Variants in BST1 observed in about 807,000 individuals in gnomAD.
The protein encoded by BST1 is ADP-ribosyl cyclase/cyclic ADP-ribose hydrolase 2.
A neutral mutation model predicts 40.6 loss-of-function variants in BST1; 49 were observed. That is an observed-to-expected ratio of 1.21 (90% CI 0.96 to 1.53). The LOEUF is 1.53. Ranked by LOEUF, BST1 falls within the 40% of genes most tolerant of loss-of-function variation. BST1 has a pLI of 0.00. For synonymous variants in BST1, 157 were observed against 159.3 expected (o/e 0.99, Z 0.11); for missense variants, 423 against 395.9 (o/e 1.07, Z -0.58).
At chr4:15,723,457 C>T in intron 8 of BST1, 1 of 621,300 alleles carries the variant, frequency 1.6e-6, no homozygotes, top group Non-Finnish European at 2.0e-6. Context: ...ACCGTGTTAG[C>T]CAGGATGGTC....
chr4:15,756,516 G>A, the BST1 span, among the ~76,000 whole-genome samples: 1 of 152,228 alleles, frequency 6.6e-6, no homozygotes, highest in Admixed American at 6.5e-5. Flanking sequence ...TGACCTGGGT[G>A]GAGATTAGTT....
chr4:15,769,590 G>A, the BST1 span, among the ~76,000 whole-genome samples: 14 of 152,284 alleles, frequency 9.2e-5, no homozygotes, highest in Admixed American at 7.2e-4. Flanking sequence ...CTGGGCTCTG[G>A]TGGTTTGGGA....
the BST1 span, among the ~76,000 whole-genome samples, chr4:15,773,476 C>T: frequency 6.6e-6 from 1 of 152,234 alleles, no homozygotes; most frequent in African/African-American, 2.4e-5. Flanking sequence ...TGAGCTCTCT[C>T]ATCTTTTCGT....
At chr4:15,767,666 T>C in the BST1 span, among the ~76,000 whole-genome samples, 1 of 150,118 alleles carries the variant, frequency 6.7e-6, no homozygotes, top group African/African-American at 2.5e-5. Flanking sequence ...TTTTTAAAGC[T>C]ATGTTGTTAG....
rs80271912 is a variant in BST1 at position 15,714,552 on chromosome 4, C to G, written c.535-733C>G. ...ACTAATGGCTGGTTAAGATTTCAGACCCTTAAGTATCATAGTTTACTTACC... is the reference window on the plus strand; with the variant it reads ...ACTAATGGCTGGTTAAGATTTCAGAGCCTTAAGTATCATAGTTTACTTACC... On this transcript the variant is annotated intron_variant, in intron 4 of 8. Coordinates refer to ENST00000265016, the MANE Select transcript of BST1 (RefSeq NM_004334.3). Among the ~76,000 whole-genome samples, 429 of 152,262 alleles carry G rather than the reference C, an allele frequency of 2.8e-3. 3 individuals are homozygous for G. Among genetic ancestry groups the G allele is most frequent in the East Asian group, 0.012 (60 of 5,194 alleles).
downstream of BST1, among the ~76,000 whole-genome samples, chr4:15,741,022 G>A (rs1250897743): frequency 1.3e-5 from 2 of 151,974 alleles, no homozygotes; most frequent in African/African-American, 4.8e-5. Context: ...TATTTACTCA[G>A]CCAATATTTA....
At chr4:15,720,337 G>A (rs1299854162) in intron 7 of BST1, among the ~76,000 whole-genome samples, 13 of 152,056 alleles carry the variant, frequency 8.5e-5, no homozygotes, top group Non-Finnish European at 1.3e-4. Context: ...TTCAATTCTT[G>A]GCCGAGTGCA....
At chr4:15,773,066 T>C in the BST1 span, among the ~76,000 whole-genome samples, 2 of 152,148 alleles carry the variant, frequency 1.3e-5, no homozygotes, top group African/African-American at 2.4e-5. Context: ...AGACAATACA[T>C]GGAGGAAGGC....
At chr4:15,757,377 T>C in the BST1 span, among the ~76,000 whole-genome samples, 1 of 152,220 alleles carries the variant, frequency 6.6e-6, no homozygotes, top group African/African-American at 2.4e-5. Context: ...TGGTTCTCCC[T>C]GCACGAACTG....
At chr4:15,771,906 C>A in the BST1 span, among the ~76,000 whole-genome samples, 11 of 152,150 alleles carry the variant, frequency 7.2e-5, no homozygotes, top group Non-Finnish European at 1.2e-4. Flanking sequence ...GGTAAGCAAC[C>A]TGTGCTGGTG....
intron 1 of BST1, among the ~76,000 whole-genome samples, chr4:15,704,443 C>G (rs891187973): frequency 6.9e-5 from 9 of 130,366 alleles, no homozygotes; most frequent in Non-Finnish European, 6.4e-5. Flanking sequence ...TGTGTGTGTT[C>G]TAGAGGTGAG....
Position 15,715,723 on chromosome 4 carries a change from GA to G in BST1, c.631del (p.Ile211PhefsTer33), listed in dbSNP as rs1720477227. The G allele has an allele frequency of 1.9e-6, 3 of 1,597,564 alleles. No individual in the cohort carries two copies. Among genetic ancestry groups the G allele is most frequent in the Non-Finnish European group, 2.6e-6 (3 of 1,174,104 alleles). ...YPIKGFFADY[E>X]IPNLQKEKIT... ...GTTTCTCAGTTTTTTTGCAGATTAT[GA>G]AATTCCAAACCTCCAGAAGGAAAAA... is the stretch of plus-strand genomic sequence containing the variant. On this transcript the variant is annotated frameshift_variant, in exon 6 of 9. Coordinates refer to ENST00000265016, the MANE Select transcript of BST1 (RefSeq NM_004334.3). LOFTEE classifies it high-confidence loss of function.
chr4:15,731,126 C>T, intron 8 of BST1: 1 of 419,614 alleles, frequency 2.4e-6, no homozygotes, highest in Non-Finnish European at 4.5e-6. Context: ...TGGCCAACAG[C>T]CACAGCCAGA....
chr4:15,737,056 A>G (rs1054373586), downstream of BST1, among the ~76,000 whole-genome samples: 30 of 152,312 alleles, frequency 2.0e-4, no homozygotes, highest in Admixed American at 1.7e-3. Flanking sequence ...GCCTTGGGCA[A>G]CTCACTTACC....
At chr4:15,723,913 A>G (rs1000266688) in intron 8 of BST1, among the ~76,000 whole-genome samples, 2 of 152,250 alleles carry the variant, frequency 1.3e-5, no homozygotes, top group South Asian at 2.1e-4. Flanking sequence ...ATTTTAGCCC[A>G]TCTTAGGGGT....
chr4:15,708,409 A>T (rs1055317202), intron 3 of BST1, among the ~76,000 whole-genome samples: 2 of 152,124 alleles, frequency 1.3e-5, no homozygotes, highest in Non-Finnish European at 2.9e-5. Flanking sequence ...AGCTCGAGTG[A>T]TATGGGCTAT....
At chr4:15,750,356 T>G in the BST1 span, among the ~76,000 whole-genome samples, 1 of 152,218 alleles carries the variant, frequency 6.6e-6, no homozygotes, top group Non-Finnish European at 1.5e-5. Flanking sequence ...CAAATAAGTG[T>G]GAACATGTGA....
chr4:15,727,879 A>G (rs184982671), intron 8 of BST1, among the ~76,000 whole-genome samples: 208 of 151,982 alleles, frequency 1.4e-3, no homozygotes, highest in Non-Finnish European at 2.6e-3. Context: ...TGACAAGTAA[A>G]CAGTTACATC....
chr4:15,729,691 A>G (rs1206435585), intron 8 of BST1, among the ~76,000 whole-genome samples: 1 of 152,232 alleles, frequency 6.6e-6, no homozygotes, highest in Non-Finnish European at 1.5e-5. Flanking sequence ...CAAATAGTGC[A>G]GTTACCCCCT....
Sources: allele counts gnomAD v4.1 joint callset (sites outside exome capture counted in the v4.1 genomes callset), GRCh38; gene constraint gnomAD v4.1.1; transcripts MANE v1.5; gene names NCBI Gene and HGNC (gene_info 2026-07-23, HGNC 2026-07-21).